Variants in CCDC150 observed in about 807,000 individuals in gnomAD.
CCDC150 encodes coiled-coil domain-containing protein 150.
In CCDC150, 151 loss-of-function variants were observed where a neutral mutation model predicts 156.5. That is an observed-to-expected ratio of 0.97 (90% CI 0.85 to 1.10). The LOEUF (loss-of-function observed/expected upper bound fraction) is 1.10, where lower values mean the gene tolerates loss of function less well. Among genes scored for constraint, CCDC150 ranks in the 50% least tolerant of loss-of-function variants. The probability of loss-of-function intolerance (pLI) is 0.00; values close to 1 mark genes in which losing one functional copy is unlikely to be tolerated. For missense variants in CCDC150, 1,312 were observed against 1,268.1 expected, an observed-to-expected ratio of 1.03 and a Z score of -0.53; for synonymous variants, 452 against 429.4, an observed-to-expected ratio of 1.05 and a Z score of -0.65.
At chr2:196,690,451 C>A (rs1234510662) in intron 13 of CCDC150, among the ~76,000 whole-genome samples, 1 of 151,996 alleles carries the variant, frequency 6.6e-6, no homozygotes, top group East Asian at 1.9e-4. Flanking sequence ...TATGTAAATT[C>A]ATATATGTAA....
chr2:196,716,007 T>C (rs942347072), intron 17 of CCDC150, among the ~76,000 whole-genome samples: 1 of 152,128 alleles, frequency 6.6e-6, no homozygotes, highest in South Asian at 2.1e-4. Flanking sequence ...TTTTTAAGAT[T>C]TAAATACTAA....
At chr2:196,693,097 T>G (rs1695594724) in intron 13 of CCDC150, among the ~76,000 whole-genome samples, 1 of 152,212 alleles carries the variant, frequency 6.6e-6, no homozygotes, top group African/African-American at 2.4e-5. Context: ...CTTTATTGGT[T>G]CAAAGTCTGG....
chr2:196,697,344 T>C (rs946449485), intron 14 of CCDC150, among the ~76,000 whole-genome samples: 2 of 152,172 alleles, frequency 1.3e-5, no homozygotes, highest in Non-Finnish European at 2.9e-5. Context: ...CCTGTAGTGA[T>C]AGTGCAATTT....
At chr2:196,731,373 G>C (rs886774245) in intron 26 of CCDC150, among the ~76,000 whole-genome samples, 5 of 144,340 alleles carry the variant, frequency 3.5e-5, no homozygotes, top group African/African-American at 5.1e-5. Flanking sequence ...AGCCTTTTGG[G>C]GGGTATTTCA....
chr2:196,640,150 A>G (rs1202511331), intron 1 of CCDC150, among the ~76,000 whole-genome samples: 2 of 152,186 alleles, frequency 1.3e-5, no homozygotes, highest in Non-Finnish European at 2.9e-5. Context: ...GCTTACCAGA[A>G]TATAGGTGTC....
intron 5 of CCDC150, among the ~76,000 whole-genome samples, chr2:196,663,269 T>C (rs1693657040): frequency 6.6e-6 from 1 of 152,042 alleles, no homozygotes; most frequent in Admixed American, 6.6e-5. Context: ...TAAAATTGTC[T>C]AAAAGTGCCC....
intron 10 of CCDC150, 55 bp from the exon 11 acceptor site, chr2:196,676,088 C>A: frequency 6.3e-7 from 1 of 1,575,088 alleles, no homozygotes; most frequent in Non-Finnish European, 8.7e-7. Context: ...CCAAATGACA[C>A]CCTATCAAAA....
intron 15 of CCDC150, among the ~76,000 whole-genome samples, chr2:196,710,467 C>T (rs543173195): frequency 7.9e-5 from 12 of 152,186 alleles, no homozygotes; most frequent in Non-Finnish European, 1.5e-4. Context: ...CCGGGTGAGG[C>T]GATGCCCTGC....
chr2:196,687,626 G>A (rs952828425), intron 13 of CCDC150, among the ~76,000 whole-genome samples: 1 of 152,078 alleles, frequency 6.6e-6, no homozygotes, highest in African/African-American at 2.4e-5. Flanking sequence ...GTCAATTTTT[G>A]CTTTCGTTGC....
chr2:196,660,918 A>G (rs2125590002), intron 5 of CCDC150, among the ~76,000 whole-genome samples: 1 of 152,260 alleles, frequency 6.6e-6, no homozygotes, highest in African/African-American at 2.4e-5. Flanking sequence ...AAGAGATTTT[A>G]TAGGTTTTCA....
chr2:196,722,722 G>C (rs939265629), intron 21 of CCDC150, among the ~76,000 whole-genome samples: 1 of 152,078 alleles, frequency 6.6e-6, no homozygotes, highest in Non-Finnish European at 1.5e-5. Context: ...TCCATATTGT[G>C]TTTATGTAGT....
At chr2:196,676,082 A>G in intron 10 of CCDC150, 61 bp from the exon 11 acceptor site, 6 of 1,553,958 alleles carry the variant, frequency 3.9e-6, no homozygotes, top group Non-Finnish European at 5.3e-6. Flanking sequence ...GTTACTCCAA[A>G]TGACACCCTA....
chr2:196,661,102 A>C (rs1227645857), intron 5 of CCDC150, among the ~76,000 whole-genome samples: 1 of 152,114 alleles, frequency 6.6e-6, no homozygotes, highest in Non-Finnish European at 1.5e-5. Context: ...TTACTGGGGA[A>C]GTCTTATTCT....
chr2:196,731,009 C>A, intron 26 of CCDC150, 64 bp downstream of exon 26: 2 of 1,218,814 alleles, frequency 1.6e-6, no homozygotes, highest in Non-Finnish European at 2.3e-6. Flanking sequence ...CCTGAAGCAA[C>A]CCAAGTCAAT....
At chr2:196,651,983 C>G (rs769349884) in intron 2 of CCDC150, among the ~76,000 whole-genome samples, 1 of 152,042 alleles carries the variant, frequency 6.6e-6, no homozygotes, top group Non-Finnish European at 1.5e-5. Context: ...CTTTAAACAA[C>G]CAGTGTGAAC....
intron 15 of CCDC150, among the ~76,000 whole-genome samples, chr2:196,702,376 T>TGTGA (rs936049349): frequency 2.7e-5 from 4 of 149,430 alleles, no homozygotes; most frequent in South Asian, 2.1e-4. Flanking sequence ...TGTGTGTGTG[T>TGTGA]GAGATGAGGT....
chr2:196,664,032 CT>C (rs1468610802), intron 5 of CCDC150, among the ~76,000 whole-genome samples: 2 of 151,826 alleles, frequency 1.3e-5, no homozygotes, highest in Non-Finnish European at 2.9e-5. Flanking sequence ...TTATGTGATT[CT>C]TTTTATAGTC....
Position 196,695,156 on chromosome 2 carries a change from TG to T in CCDC150, c.1623+1del. ...TTCAGCAAGTCACTTCTGATTACCA[TG>T]GGGTGGGTATAAAAAGATCAGTCTA... ...ELQQVTSDYH[G>X]LAQQKVEKIT... On this transcript the variant is annotated frameshift_variant and splice_region_variant, in exon 14 of 28. Coordinates refer to ENST00000389175, the MANE Select transcript of CCDC150 (RefSeq NM_001080539.2). LOFTEE classifies it high-confidence loss of function. 1.3e-6 allele frequency: 2 copies of T among 1,564,574 alleles called. No individual in the cohort carries two copies. The highest frequency in any genetic ancestry group is 8.8e-7 in the Non-Finnish European group (1 of 1,136,314).
In CCDC150 at chr2:196,669,893, T is replaced by G. The variant is rs1045513582; in HGVS notation, c.936+17T>G. 4 of 1,602,780 alleles carry G rather than the reference T, an allele frequency of 2.5e-6. No homozygotes were observed. The African/African-American group carries it at 5.4e-5, about 22-fold the overall frequency. On this transcript the variant is annotated intron_variant, in intron 8 of 27. Transcript: ENST00000389175. ...GAAAATAAGGTGAGTTTTGAAGTTG[T>G]GGAGTACAGAGGTGGTCTTTCCTCT... is the stretch of plus-strand genomic sequence containing the variant.
Sources: gnomAD v4.1 joint callset for allele counts (sites outside exome capture counted in the v4.1 genomes callset) on GRCh38, gnomAD v4.1.1 for gene constraint, MANE v1.5 for transcripts, NCBI Gene and HGNC (gene_info 2026-07-23, HGNC 2026-07-21) for gene names.